The following OR1J2 variants were observed in gnomAD, a reference collection of about 807,000 sequenced individuals.
OR1J2 encodes the protein olfactory receptor 1J2.
For missense variants in OR1J2, 304 were observed against 246.1 expected (o/e 1.24, Z -1.57); for synonymous variants, 142 against 99.7 (o/e 1.42, Z -2.52).
chr9:122,553,559 C>T, the OR1J2 span: 2 of 1,614,120 alleles, frequency 1.2e-6, no homozygotes, highest in South Asian at 1.1e-5. Context: ...TTGACAACTG[C>T]CTGCTGGCTG....
chr9:122,477,171 A>G, the OR1J2 span: 1 of 1,614,234 alleles, frequency 6.2e-7, no homozygotes, highest in Non-Finnish European at 8.5e-7. Flanking sequence ...TAATTGTCCG[A>G]TAATAGATAG....
At chr9:122,505,139 A>T in the OR1J2 span, among the ~76,000 whole-genome samples, 1 of 152,220 alleles carries the variant, frequency 6.6e-6, no homozygotes, top group Non-Finnish European at 1.5e-5. Flanking sequence ...AGCTGCCCGC[A>T]TATAAGCTCT....
chr9:122,536,730 A>G, the OR1J2 span, among the ~76,000 whole-genome samples: 1 of 152,310 alleles, frequency 6.6e-6, no homozygotes, highest in Middle Eastern at 3.4e-3. Flanking sequence ...TCTCTTGGAA[A>G]TGTGATCAAG....
chr9:122,470,223 G>A, the OR1J2 span, among the ~76,000 whole-genome samples: 1 of 152,180 alleles, frequency 6.6e-6, no homozygotes, highest in East Asian at 1.9e-4. Flanking sequence ...GCAGGGCCCA[G>A]GGTCCCCATG....
chr9:122,560,477 T>C, the OR1J2 span, among the ~76,000 whole-genome samples: 1 of 152,200 alleles, frequency 6.6e-6, no homozygotes, highest in Non-Finnish European at 1.5e-5. Flanking sequence ...GTGTTTCCTT[T>C]CCATATTTAG....
chr9:122,502,394 C>T, the OR1J2 span, among the ~76,000 whole-genome samples: 1 of 152,328 alleles, frequency 6.6e-6, no homozygotes, highest in East Asian at 1.9e-4. Context: ...TTCACCATCT[C>T]ACTTCTCCAC....
At chr9:122,563,184 A>ATTTT in the OR1J2 span, among the ~76,000 whole-genome samples, 6 of 149,364 alleles carry the variant, frequency 4.0e-5, no homozygotes, top group Non-Finnish European at 8.9e-5. Flanking sequence ...AGCATTTGTT[A>ATTTT]TTTTTTTTTT....
At chr9:122,500,911 C>T in the OR1J2 span, among the ~76,000 whole-genome samples, 6 of 151,982 alleles carry the variant, frequency 3.9e-5, no homozygotes, top group East Asian at 1.2e-3. Flanking sequence ...AAACTAGTTT[C>T]CGTGAATAAG....
the OR1J2 span, chr9:122,519,464 T>C: frequency 6.2e-7 from 1 of 1,614,092 alleles, no homozygotes; most frequent in South Asian, 1.1e-5. Context: ...TATTTTTCAC[T>C]GATCTAGACA....
the OR1J2 span, among the ~76,000 whole-genome samples, chr9:122,455,490 A>C: frequency 6.6e-6 from 1 of 152,184 alleles, no homozygotes; most frequent in Non-Finnish European, 1.5e-5. Context: ...GGCCATTTAC[A>C]TATTTTCTTT....
At chr9:122,526,821 G>A in the OR1J2 span, 16 of 1,614,122 alleles carry the variant, frequency 9.9e-6, no homozygotes, top group Non-Finnish European at 1.3e-5. Context: ...CATGAGGAAC[G>A]TGTGAGTCAG....
chr9:122,458,213 T>C, the OR1J2 span, among the ~76,000 whole-genome samples: 1 of 152,230 alleles, frequency 6.6e-6, no homozygotes, highest in South Asian at 2.1e-4. Context: ...TAAAATGTTA[T>C]TCCCTTGTCT....
the OR1J2 span, among the ~76,000 whole-genome samples, chr9:122,571,395 C>CA: frequency 6.6e-6 from 1 of 151,796 alleles, no homozygotes; most frequent in African/African-American, 2.4e-5. Context: ...ACTAAAAATA[C>CA]AAAAATTAGC....
At chr9:122,477,235 G>C in the OR1J2 span, 1 of 1,613,972 alleles carries the variant, frequency 6.2e-7, no homozygotes. Flanking sequence ...TATGCCCTTG[G>C]TAGAGGGAAT....
the OR1J2 span, among the ~76,000 whole-genome samples, chr9:122,574,141 AG>A: frequency 6.6e-6 from 1 of 152,118 alleles, no homozygotes; most frequent in Non-Finnish European, 1.5e-5. Flanking sequence ...AGGTAGTGTC[AG>A]TCCTCCAGTT....
At chr9:122,492,522 G>T in the OR1J2 span, among the ~76,000 whole-genome samples, 2 of 152,080 alleles carry the variant, frequency 1.3e-5, no homozygotes, top group Admixed American at 6.6e-5. Context: ...CCCAGTAATA[G>T]GATTTCTAGG....
At chr9:122,532,396 C>A in the OR1J2 span, among the ~76,000 whole-genome samples, 3 of 151,980 alleles carry the variant, frequency 2.0e-5, no homozygotes, top group Non-Finnish European at 4.4e-5. Flanking sequence ...ATCAATAAAC[C>A]AAGTGTGATC....
the OR1J2 span, among the ~76,000 whole-genome samples, chr9:122,504,742 C>A: frequency 2.0e-5 from 3 of 152,070 alleles, no homozygotes; most frequent in African/African-American, 7.2e-5. Flanking sequence ...ACCACAGGTA[C>A]CTTTGTCTTT....
the OR1J2 span, among the ~76,000 whole-genome samples, chr9:122,574,537 C>G: frequency 6.6e-6 from 1 of 152,048 alleles, no homozygotes; most frequent in African/African-American, 2.4e-5. Context: ...GTATATTAAT[C>G]CTGCATTTTG....
Sources: allele counts gnomAD v4.1 joint callset (sites outside exome capture counted in the v4.1 genomes callset), GRCh38; gene constraint gnomAD v4.1.1; transcripts MANE v1.5; gene names NCBI Gene and HGNC (gene_info 2026-07-23, HGNC 2026-07-21).